ACSS2: variants seen among roughly 807,000 people sequenced by gnomAD.
ACSS2 encodes the protein acetyl-coenzyme A synthetase, cytoplasmic.
Under a neutral mutation model 90.6 loss-of-function variants are expected in ACSS2, and 58 were observed. The ratio of observed to expected loss-of-function variants is 0.64; its 90% CI spans 0.52 to 0.80. The LOEUF (loss-of-function observed/expected upper bound fraction) is 0.80. ACSS2 is among the 30% of genes least tolerant of loss of function. The probability of loss-of-function intolerance (pLI) is 0.00; values close to 1 mark genes in which losing one functional copy is unlikely to be tolerated. For synonymous variants in ACSS2, 300 were observed against 330.9 expected (o/e 0.91, Z 1.01); for missense variants, 759 against 912.0 (o/e 0.83, Z 2.16).
At chr20:34,920,430 C>T in intron 8 of ACSS2, 109 bp from the exon 9 acceptor site, 1 of 1,082,824 alleles carries the variant, frequency 9.2e-7, no homozygotes, top group Non-Finnish European at 1.3e-6. Flanking sequence ...AGGGTGCTGG[C>T]AGGGCTGGAA....
chr20:34,891,943 A>C (rs2080346133), intron 2 of ACSS2, among the ~76,000 whole-genome samples: 1 of 152,178 alleles, frequency 6.6e-6, no homozygotes, highest in African/African-American at 2.4e-5. Flanking sequence ...CATATCAGCT[A>C]CCTGAGTTTG....
intron 2 of ACSS2, among the ~76,000 whole-genome samples, chr20:34,903,157 C>T (rs891816739): frequency 2.6e-5 from 4 of 152,104 alleles, no homozygotes; most frequent in African/African-American, 4.8e-5. Context: ...GACTGGCTAA[C>T]ATGGTAAAAC....
chr20:34,921,449 G>A lies in ACSS2; in HGVS notation c.1397G>A (p.Trp466Ter), dbSNP rs1432184379. Residue 466 changes from tryptophan to a stop codon, truncating the protein, a stop_gained, in exon 11 of 18, where the codon TGG becomes TAG. Coordinates refer to ENST00000360596, the MANE Select transcript of ACSS2 (RefSeq NM_018677.4). LOFTEE classifies it high-confidence loss of function. ...AQRCPIVDTF[W>*]QTETGGHMLT... ...CGCTGCCCCATCGTGGACACCTTCT[G>A]GCAAACAGAGACAGTGAGTGAAGGG... is the stretch of plus-strand genomic sequence containing the variant. The A allele has an allele frequency of 1.2e-6, 2 of 1,614,232 alleles. No homozygotes were observed. Among genetic ancestry groups the A allele is most frequent in the Non-Finnish European group, 1.7e-6 (2 of 1,180,040 alleles).
chr20:34,911,904 TCCA>T (rs1258567239), intron 2 of ACSS2, among the ~76,000 whole-genome samples: 2 of 151,968 alleles, frequency 1.3e-5, no homozygotes, highest in African/African-American at 4.8e-5. Context: ...CACCACAACC[TCCA>T]CCTCCCTTCA....
intron 2 of ACSS2, among the ~76,000 whole-genome samples, chr20:34,899,426 C>CTCTTTCTTTCCTTT (rs769704651): frequency 2.5e-5 from 3 of 120,122 alleles, no homozygotes; most frequent in Admixed American, 8.1e-5. Context: ...TTCTTTCTTT[C>CTCTTTCTTTCCTTT]CTTCCTTCCT....
At chr20:34,920,933 C>A in intron 9 of ACSS2, 73 bp from the exon 10 acceptor site, 2 of 1,597,468 alleles carry the variant, frequency 1.3e-6, no homozygotes, top group Non-Finnish European at 1.7e-6. Flanking sequence ...AATACTGAAC[C>A]TGAGGGAATG....
rs5841185 is a variant in ACSS2, at chr20:34,890,947, CA to C, written c.374+7975del. On this transcript the variant is annotated intron_variant, in intron 2 of 17. Coordinates refer to ENST00000360596, the MANE Select transcript of ACSS2 (RefSeq NM_018677.4). ...ATATGTGTGTGTGTGTATTTGAGGC[CA>C]AAAAAAAAAAAAAAAAGTCCCTACC... Among the ~76,000 whole-genome samples, 1,068 of 109,784 alleles carry C rather than the reference CA, an allele frequency of 9.7e-3. 7 individuals are homozygous for C. Among genetic ancestry groups the C allele is most frequent in the African/African-American group, 0.029 (806 of 27,912 alleles). The allele number at this position is 109,784 out of a possible 152,430, so 72.0% of individuals were successfully genotyped here.
chr20:34,879,136 C>T (rs2080003832), intron 1 of ACSS2, among the ~76,000 whole-genome samples: 1 of 151,816 alleles, frequency 6.6e-6, no homozygotes, highest in South Asian at 2.1e-4. Flanking sequence ...GATCTCCTGA[C>T]CTCGTGATCC....
chr20:34,919,377 G>T lies in ACSS2; in HGVS notation c.835-58G>T. ...CTCATTCCCTCCAGGGGCAAGGTAC[G>T]GGTGTATCTTGTCCCCATCTTGAGC... is the stretch of plus-strand genomic sequence containing the variant. On this transcript the variant is annotated intron_variant, in intron 7 of 17. Transcript: ENST00000360596. 3.1e-6 allele frequency: 5 copies of T among 1,601,696 alleles called. No individual in the cohort carries two copies. In the South Asian group the frequency reaches 3.3e-5, roughly 11 times the overall value.
chr20:34,917,385 C>T (rs906994104), intron 7 of ACSS2, among the ~76,000 whole-genome samples: 1 of 152,204 alleles, frequency 6.6e-6, no homozygotes, highest in Non-Finnish European at 1.5e-5. Flanking sequence ...CTTTCTCTCT[C>T]TTCTTCCTTT....
At chr20:34,876,272 A>T (rs2079903961), upstream of ACSS2, among the ~76,000 whole-genome samples, 1 of 150,612 alleles carries the variant, frequency 6.6e-6, no homozygotes, top group Non-Finnish European at 1.5e-5. Context: ...CCATCACTCC[A>T]TGGGCCCACC....
Position 34,927,489 on chromosome 20 carries a change from C to CA in ACSS2, c.*277dup. The CA allele has an allele frequency of 2.0e-6, 1 of 488,044 alleles. No individual in the cohort carries two copies. The highest frequency in any genetic ancestry group is 3.7e-6 in the Non-Finnish European group (1 of 269,070). 30.2% of individuals were successfully genotyped at this position (488,044 alleles called of 1,614,324 possible). A position where few individuals can be genotyped will look rare whatever the true frequency, so the allele number is the denominator to read the frequency against. On this transcript the variant is annotated 3_prime_UTR_variant, in exon 18 of 18. Transcript: ENST00000360596. This position sits in a 1 kb window ranked among gnomAD's most constrained non-coding sequence, Gnocchi z 4.2. The stretch of plus-strand genomic sequence containing the variant: ...AGACGAAAAGGCTACCTCTCCTACC[C>CA]AAGTTAAGTGTTCAAAGGGGATGTG...
intron 1 of ACSS2, among the ~76,000 whole-genome samples, chr20:34,877,711 C>G (rs1049751188): frequency 6.7e-6 from 1 of 149,364 alleles, no homozygotes; most frequent in Non-Finnish European, 1.5e-5. Context: ...CCCAGCTACT[C>G]GAGAGGCTGA....
chr20:34,919,313 C>A, intron 7 of ACSS2, 122 bp from the exon 8 acceptor site: 1 of 1,425,172 alleles, frequency 7.0e-7, no homozygotes, highest in Non-Finnish European at 9.6e-7. Context: ...CCTTGAAGGG[C>A]CTTCTCTCCC....
At chr20:34,919,708 T>C (rs976674532) in intron 8 of ACSS2, 136 bp downstream of exon 8, 3 of 1,301,200 alleles carry the variant, frequency 2.3e-6, no homozygotes, top group East Asian at 2.6e-5. Context: ...AAATGTAGCA[T>C]TGTCTTTTCT....
intron 4 of ACSS2, 92 bp downstream of exon 4, chr20:34,913,588 A>G (rs1298814277): frequency 7.5e-7 from 1 of 1,331,728 alleles, no homozygotes; most frequent in Non-Finnish European, 1.1e-6. Context: ...CTTAAATAAC[A>G]AACTAAGGAG....
chr20:34,911,985 T>A (rs1354309197), intron 2 of ACSS2, among the ~76,000 whole-genome samples: 2 of 151,962 alleles, frequency 1.3e-5, no homozygotes, highest in Admixed American at 1.3e-4. Flanking sequence ...ACCCAGCTAA[T>A]TTTTGTATTT....
intron 7 of ACSS2, among the ~76,000 whole-genome samples, chr20:34,917,987 C>A (rs763336847): frequency 1.2e-4 from 19 of 152,188 alleles, no homozygotes; most frequent in Non-Finnish European, 1.3e-4. Context: ...TCACTCCTCA[C>A]CTCAGGTGAT....
In ACSS2 at chr20:34,913,738, T is replaced by C. The variant is rs368144466; in HGVS notation, c.571-15T>C. 6.2e-6 allele frequency: 10 copies of C among 1,613,284 alleles called. No homozygotes were observed. The African/African-American group carries it at 1.3e-4, about 22-fold the overall frequency. On this transcript the variant is annotated splice_polypyrimidine_tract_variant and intron_variant, in intron 4 of 17. Coordinates refer to ENST00000360596, the MANE Select transcript of ACSS2 (RefSeq NM_018677.4). The stretch of plus-strand genomic sequence containing the variant: ...GGGCTTTCTTCTCTCCCTCAGACTT[T>C]CTTCCCTTCCCTAGTTTGCAGGCTT...
Sources: allele counts gnomAD v4.1 joint callset (sites outside exome capture counted in the v4.1 genomes callset), GRCh38; gene constraint gnomAD v4.1.1; non-coding constraint Gnocchi (gnomAD v3.1); transcripts MANE v1.5; gene names NCBI Gene and HGNC (gene_info 2026-07-23, HGNC 2026-07-21).